The following PHTF2 variants were observed in gnomAD, a reference collection of about 807,000 sequenced individuals.
PHTF2 encodes the protein putative homeodomain transcription factor 2.
In PHTF2, 60 loss-of-function variants were observed where a neutral mutation model predicts 101.2. The observed-to-expected ratio is 0.59, with a 90% CI of 0.48 to 0.73. PHTF2 has a LOEUF of 0.73. PHTF2 is among the 30% of genes least tolerant of loss of function. The pLI, the probability that PHTF2 is intolerant of heterozygous loss-of-function variation, is 0.00. For missense variants in PHTF2, 747 were observed against 908.7 expected, an observed-to-expected ratio of 0.82 and a Z score of 2.29; for synonymous variants, 311 against 307.3, an observed-to-expected ratio of 1.01 and a Z score of -0.13.
chr7:77,826,397 A>G (rs1488663143), intron 1 of PHTF2, among the ~76,000 whole-genome samples: 1 of 152,214 alleles, frequency 6.6e-6, no homozygotes, highest in East Asian at 1.9e-4. Context: ...ATAAGGATTT[A>G]TAACCTTGGG....
chr7:77,935,128 C>G lies in PHTF2; in HGVS notation c.1339-2582C>G, dbSNP rs911051394. Among the ~76,000 whole-genome samples the G allele has an allele frequency of 8.7e-3, 574 of 66,256 alleles. 16 individuals are homozygous for G. Among genetic ancestry groups the G allele is most frequent in the Middle Eastern group, 0.031 (5 of 160 alleles). 43.5% of individuals were successfully genotyped at this position (66,256 alleles called of 152,430 possible). On this transcript the variant is annotated intron_variant, in intron 12 of 19. Transcript: ENST00000416283. ...TGTTTTTCAGTGTACATTCCCCCCC[C>G]CCACACACACACACAGAGGAATATA...
chr7:77,917,219 C>T (rs938981802), intron 9 of PHTF2, among the ~76,000 whole-genome samples: 4 of 152,102 alleles, frequency 2.6e-5, no homozygotes, highest in Admixed American at 6.6e-5. Context: ...CCTTGCTATC[C>T]GACATATCTG....
chr7:77,888,860 T>TA (rs5885033), intron 3 of PHTF2, among the ~76,000 whole-genome samples: 28,605 of 146,154 alleles, frequency 0.2, 3,318 homozygotes, highest in African/African-American at 0.34. Flanking sequence ...CTCAACAAAT[T>TA]AAAAAAAAAA....
Position 77,910,430 on chromosome 7 carries a change from T to C in PHTF2, c.776+21T>C, listed in dbSNP as rs755889659. ...TCAGGGTTTGTATTTATTTAAGGTT[T>C]TATATGGCATAGAGATGGCACTATC... On this transcript the variant is annotated intron_variant, in intron 9 of 19. Coordinates refer to ENST00000416283, the Ensembl canonical transcript of PHTF2. The C allele has an allele frequency of 2.5e-6, 4 of 1,580,526 alleles. 1 individual carries two copies. The highest frequency in any genetic ancestry group is 3.5e-6 in the Non-Finnish European group (4 of 1,152,926).
intron 2 of PHTF2, among the ~76,000 whole-genome samples, chr7:77,846,886 T>G (rs2150602009): frequency 1.3e-5 from 2 of 152,150 alleles, no homozygotes. Context: ...CAAGTGATCC[T>G]TTTGCCTCAG....
exon 12 of PHTF2, chr7:77,929,220 T>C: frequency 3.7e-6 from 6 of 1,612,406 alleles, no homozygotes; most frequent in Non-Finnish European, 5.1e-6. Context: ...GGAAGACTTG[T>C]TACATTGTGC....
intron 1 of PHTF2, among the ~76,000 whole-genome samples, chr7:77,805,619 C>G (rs886824299): frequency 6.6e-6 from 1 of 152,144 alleles, no homozygotes; most frequent in Non-Finnish European, 1.5e-5. Context: ...CATTGAAGTT[C>G]AGAATCCTTG....
chr7:77,868,868 A>G (rs1798293137), intron 3 of PHTF2, among the ~76,000 whole-genome samples: 1 of 152,210 alleles, frequency 6.6e-6, no homozygotes, highest in African/African-American at 2.4e-5. Flanking sequence ...ATGATTTTTG[A>G]GAAAGTTCTA....
intron 9 of PHTF2, among the ~76,000 whole-genome samples, chr7:77,914,726 G>T (rs1802742281): frequency 6.6e-6 from 1 of 152,100 alleles, no homozygotes; most frequent in Non-Finnish European, 1.5e-5. Context: ...AATGGGAAAT[G>T]AAAGTCTGTA....
chr7:77,937,728 C>A, exon 13 of PHTF2: 1 of 1,403,614 alleles, frequency 7.1e-7, no homozygotes, highest in Non-Finnish European at 9.6e-7. Context: ...GCCCTGGCTC[C>A]ATAGTTCCCA....
chr7:77,909,073 CA>C, intron 8 of PHTF2, 115 bp downstream of exon 7: 2 of 554,774 alleles, frequency 3.6e-6, no homozygotes, highest in Non-Finnish European at 2.9e-6. Context: ...GTTGCTGTTT[CA>C]AAAAAACACT....
intron 11 of PHTF2, among the ~76,000 whole-genome samples, chr7:77,928,495 A>G (rs1327755560): frequency 1.3e-5 from 2 of 152,166 alleles, no homozygotes; most frequent in Admixed American, 6.5e-5. Context: ...TTAAAAAAAA[A>G]AAGACTAGAA....
intron 11 of PHTF2, among the ~76,000 whole-genome samples, chr7:77,926,460 C>T (rs972369178): frequency 3.3e-5 from 5 of 152,078 alleles, no homozygotes; most frequent in African/African-American, 9.7e-5. Context: ...CAGCCCTCCT[C>T]CCACAAACAC....
At chr7:77,940,008 C>A (rs1214338032) in intron 13 of PHTF2, 22 bp from the exon 13 acceptor site, 2 of 1,557,726 alleles carry the variant, frequency 1.3e-6, no homozygotes, top group Non-Finnish European at 1.7e-6. Flanking sequence ...TCTTTTCTCT[C>A]TCTTCCCCTG....
chr7:77,862,771 G>A (rs1278856752), intron 3 of PHTF2, among the ~76,000 whole-genome samples: 1 of 152,168 alleles, frequency 6.6e-6, no homozygotes, highest in Non-Finnish European at 1.5e-5. Context: ...CTTGCAGTCA[G>A]TTTATTTTTA....
At chr7:77,920,522 G>C in intron 10 of PHTF2, 57 bp downstream of exon 9, 2 of 1,324,640 alleles carry the variant, frequency 1.5e-6, no homozygotes, top group Non-Finnish European at 2.2e-6. Flanking sequence ...CCAATGTAAA[G>C]TGACTTAGAT....
intron 11 of PHTF2, among the ~76,000 whole-genome samples, chr7:77,927,955 G>A (rs1804213916): frequency 6.6e-6 from 1 of 152,176 alleles, no homozygotes; most frequent in African/African-American, 2.4e-5. Flanking sequence ...CAGGAGAGCA[G>A]TGAGAAGCCA....
At chr7:77,813,139 A>G (rs1447476537) in intron 1 of PHTF2, among the ~76,000 whole-genome samples, 1 of 152,234 alleles carries the variant, frequency 6.6e-6, no homozygotes, top group Non-Finnish European at 1.5e-5. Flanking sequence ...CAATCCAATT[A>G]CACTGATTTA....
intron 1 of PHTF2, among the ~76,000 whole-genome samples, chr7:77,802,623 C>A (rs1243749762): frequency 6.6e-6 from 1 of 152,216 alleles, no homozygotes; most frequent in Non-Finnish European, 1.5e-5. Flanking sequence ...TAACCTTGAA[C>A]TCCCAGGCTC....
Sources: allele counts gnomAD v4.1 joint callset (sites outside exome capture counted in the v4.1 genomes callset), GRCh38; gene constraint gnomAD v4.1.1; transcripts MANE v1.5; gene names NCBI Gene and HGNC (gene_info 2026-07-23, HGNC 2026-07-21).